The following PARD3B variants were observed in gnomAD, a reference collection of about 807,000 sequenced individuals.
PARD3B encodes partitioning defective 3 homolog B.
In PARD3B, 103 loss-of-function variants were observed where a neutral mutation model predicts 130.2. The observed-to-expected ratio is 0.79, with a 90% CI of 0.67 to 0.93. The LOEUF (loss-of-function observed/expected upper bound fraction) is 0.93. PARD3B is among the 40% of genes least tolerant of loss of function. PARD3B has a pLI of 0.00. For missense variants in PARD3B, 1,609 were observed against 1,499.2 expected (o/e 1.07, Z -1.21); for synonymous variants, 583 against 553.2 (o/e 1.05, Z -0.76).
In PARD3B at chr2:205,125,543, C is replaced by G. The variant is rs572946182; in HGVS notation, c.1306-66C>G. The G allele has an allele frequency of 2.3e-4, 356 of 1,532,708 alleles. No homozygotes were observed. Among genetic ancestry groups the G allele is most frequent in the Non-Finnish European group, 2.9e-4 (325 of 1,133,548 alleles). The allele number at this position is 1,532,708 out of a possible 1,614,324, so 94.9% of individuals were successfully genotyped here. A position where few individuals can be genotyped will look rare whatever the true frequency, so the allele number is the denominator to read the frequency against. On this transcript the variant is annotated intron_variant, in intron 9 of 22. Transcript: ENST00000406610. The surrounding 1 kb of genome is among the most constrained non-coding windows in gnomAD (Gnocchi z 4.0). ...CCCATTTGCTTCTTGTTTTCAAAAACTATCTAGTGTAGAAGGAGATAACAA... is the reference window on the plus strand; with the variant it reads ...CCCATTTGCTTCTTGTTTTCAAAAAGTATCTAGTGTAGAAGGAGATAACAA...
chr2:205,004,625 T>G (rs1695105107), intron 3 of PARD3B, among the ~76,000 whole-genome samples: 1 of 152,210 alleles, frequency 6.6e-6, no homozygotes, highest in Non-Finnish European at 1.5e-5. Context: ...ATGTCCATTG[T>G]GAAAAATGTT....
chr2:204,631,217 C>T (rs2034667150), intron 1 of PARD3B, among the ~76,000 whole-genome samples: 1 of 150,972 alleles, frequency 6.6e-6, no homozygotes, highest in South Asian at 2.1e-4. Context: ...ACCCCAAAGT[C>T]ATTGTACCGA....
chr2:204,580,061 A>G lies in PARD3B; in HGVS notation c.120+33942A>G, dbSNP rs7562422. On this transcript the variant is annotated intron_variant, in intron 1 of 22. Transcript: ENST00000406610. ...CCATCCCTTCCTTGTTCGTTCATTC[A>G]TCATGCGTTTATAGAAGCCAGTCCT... 9.0e-3 allele frequency among the ~76,000 whole-genome samples: 1,365 copies of G among 152,298 alleles called. 19 individuals carry two copies. Among genetic ancestry groups the G allele is most frequent in the African/African-American group, 0.032 (1,325 of 41,560 alleles).
At chr2:205,541,393 G>A (rs2052130036) in intron 21 of PARD3B, among the ~76,000 whole-genome samples, 3 of 145,582 alleles carry the variant, frequency 2.1e-5, no homozygotes, top group Non-Finnish European at 3.0e-5. Context: ...TTGTTGCCCA[G>A]GCTGGAATGC....
chr2:205,481,738 C>T (rs1018090245), intron 20 of PARD3B, among the ~76,000 whole-genome samples: 1 of 152,182 alleles, frequency 6.6e-6, no homozygotes, highest in Non-Finnish European at 1.5e-5. Flanking sequence ...AAGGAGGTTA[C>T]ACAACTACTC....
intron 19 of PARD3B, among the ~76,000 whole-genome samples, chr2:205,433,428 A>G (rs2047404412): frequency 1.3e-5 from 2 of 151,366 alleles, no homozygotes; most frequent in Non-Finnish European, 2.9e-5. Context: ...GCTACACAGG[A>G]GGCTGAGGCA....
intron 15 of PARD3B, among the ~76,000 whole-genome samples, chr2:205,197,072 TGTGA>T (rs1309609304): frequency 8.7e-4 from 129 of 148,876 alleles, no homozygotes; most frequent in African/African-American, 2.8e-3. Flanking sequence ...TGTGTGTGTG[TGTGA>T]GAGAGAGAGA....
At position 205,172,209 on chromosome 2, in the gene PARD3B, A is replaced by G; in HGVS notation, c.1621-2A>G. On this transcript the variant is annotated splice_acceptor_variant, in intron 11 of 22. Transcript: ENST00000406610. LOFTEE classifies it high-confidence loss of function. ...ATATTGTTTTCCTTTCTTCTGCCTT[A>G]GGATGGTCGTCTGCGAATGAATGAC... 6.2e-7 allele frequency: 1 copy of G among 1,613,822 alleles called. No individual in the cohort carries two copies. The highest frequency in any genetic ancestry group is 8.5e-7 in the Non-Finnish European group (1 of 1,179,772).
chr2:205,289,414 A>C (rs1446166781), intron 16 of PARD3B, among the ~76,000 whole-genome samples: 2 of 152,180 alleles, frequency 1.3e-5, no homozygotes, highest in South Asian at 2.1e-4. Flanking sequence ...TGCTGTTGCC[A>C]GGTATCATGT....
At chr2:204,958,221 G>A (rs544329921) in intron 2 of PARD3B, among the ~76,000 whole-genome samples, 1 of 152,158 alleles carries the variant, frequency 6.6e-6, no homozygotes, top group South Asian at 2.1e-4. Flanking sequence ...AAAAATTCAG[G>A]CTATAAAAAT....
chr2:204,648,235 C>T (rs1257550742), intron 1 of PARD3B, among the ~76,000 whole-genome samples: 1 of 151,192 alleles, frequency 6.6e-6, no homozygotes, highest in African/African-American at 2.4e-5. Context: ...TTCTTTGTGA[C>T]CATAATCTAT....
intron 1 of PARD3B, among the ~76,000 whole-genome samples, chr2:204,650,083 A>G (rs1223764084): frequency 6.6e-6 from 1 of 152,228 alleles, no homozygotes; most frequent in East Asian, 1.9e-4. Flanking sequence ...CCCATTAAAA[A>G]GTGGACAAAG....
intron 1 of PARD3B, among the ~76,000 whole-genome samples, chr2:204,622,622 C>T (rs2034345583): frequency 6.6e-6 from 1 of 151,280 alleles, no homozygotes; most frequent in Non-Finnish European, 1.5e-5. Context: ...TATTATATAG[C>T]CGTATTTATG....
intron 20 of PARD3B, among the ~76,000 whole-genome samples, chr2:205,496,028 C>T (rs1333812671): frequency 6.6e-6 from 1 of 152,076 alleles, no homozygotes; most frequent in African/African-American, 2.4e-5. Context: ...AGAAAGAATG[C>T]TCTAATTGAT....
In PARD3B at chr2:205,496,040, C is replaced by T. The variant is rs369187176; in HGVS notation, c.3045-3856C>T. ...TTGAGAAAGAATGCTCTAATTGATT[C>T]GTGATGTCTGCTGTGGACAGAGAGT... On this transcript the variant is annotated intron_variant, in intron 20 of 22. Transcript: ENST00000406610. Among the ~76,000 whole-genome samples, 296 of 152,106 alleles carry T rather than the reference C, an allele frequency of 1.9e-3. 1 individual carries two copies. Among genetic ancestry groups the T allele is most frequent in the African/African-American group, 6.7e-3 (280 of 41,498 alleles).
At chr2:205,126,803 G>A (rs1465702448) in intron 10 of PARD3B, among the ~76,000 whole-genome samples, 1 of 137,624 alleles carries the variant, frequency 7.3e-6, no homozygotes, top group Non-Finnish European at 1.5e-5. Flanking sequence ...AATAGCATGA[G>A]AAAATGTTCA....
chr2:205,197,346 C>T (rs533843973), intron 15 of PARD3B, among the ~76,000 whole-genome samples: 13 of 151,838 alleles, frequency 8.6e-5, no homozygotes, highest in South Asian at 2.1e-4. Flanking sequence ...ATTAAATCTT[C>T]GATTCTTTTT....
At chr2:204,579,767 T>C (rs1186287910) in intron 1 of PARD3B, among the ~76,000 whole-genome samples, 1 of 152,176 alleles carries the variant, frequency 6.6e-6, no homozygotes, top group Non-Finnish European at 1.5e-5. Context: ...GGTGGACCCC[T>C]GTGTGGGGGA....
rs115419664 is a variant in PARD3B at position 205,125,520 on chromosome 2, C to A, written c.1306-89C>A. The A allele has an allele frequency of 1.8e-4, 255 of 1,426,216 alleles. No individual in the cohort carries two copies. In the African/African-American group the frequency reaches 2.9e-3, roughly 16 times the overall value. 88.3% of individuals were successfully genotyped at this position (1,426,216 alleles called of 1,614,324 possible). The stretch of plus-strand genomic sequence containing the variant: ...CAGAGCTTCCTCAAGTATGGGAGCC[C>A]ATTTGCTTCTTGTTTTCAAAAACTA... On this transcript the variant is annotated intron_variant, in intron 9 of 22. Transcript: ENST00000406610. This position sits in a 1 kb window ranked among gnomAD's most constrained non-coding sequence, Gnocchi z 4.0.
Sources: gnomAD v4.1 joint callset for allele counts (sites outside exome capture counted in the v4.1 genomes callset) on GRCh38, gnomAD v4.1.1 for gene constraint, Gnocchi (gnomAD v3.1) non-coding constraint, MANE v1.5 for transcripts, NCBI Gene and HGNC (gene_info 2026-07-23, HGNC 2026-07-21) for gene names.